The following FAM135B variants were observed in gnomAD, a reference collection of about 807,000 sequenced individuals.
FAM135B encodes the protein protein FAM135B.
Under a neutral mutation model 127.7 loss-of-function variants are expected in FAM135B, and 43 were observed. That is an observed-to-expected ratio of 0.34 (90% CI 0.26 to 0.43). The LOEUF (loss-of-function observed/expected upper bound fraction) is 0.43. Among genes scored for constraint, FAM135B ranks in the 20% least tolerant of loss-of-function variants. FAM135B has a pLI of 1.00. For synonymous variants in FAM135B, 670 were observed against 665.1 expected (o/e 1.01, Z -0.11); for missense variants, 1,558 against 1,725.6 (o/e 0.90, Z 1.72).
At chr8:138,339,966 C>G (rs1429943510) in intron 2 of FAM135B, among the ~76,000 whole-genome samples, 1 of 152,218 alleles carries the variant, frequency 6.6e-6, no homozygotes, top group African/African-American at 2.4e-5. Context: ...GCCCCTCCAT[C>G]TGAATTCCTC....
intron 1 of FAM135B, chr8:138,425,573 C>G (rs1246729840): frequency 6.6e-6 from 1 of 152,078 alleles, no homozygotes; most frequent in African/African-American, 2.4e-5. Flanking sequence ...TTCAGAGCAG[C>G]TCCTCTCATT....
intron 15 of FAM135B, among the ~76,000 whole-genome samples, chr8:138,144,691 TAAC>T (rs1386061192): frequency 6.6e-6 from 1 of 152,104 alleles, no homozygotes; most frequent in Non-Finnish European, 1.5e-5. Context: ...TTTCAAAAAG[TAAC>T]AACAATGAGT....
chr8:138,322,991 G>A (rs1827554803), intron 2 of FAM135B, among the ~76,000 whole-genome samples: 1 of 152,196 alleles, frequency 6.6e-6, no homozygotes, highest in Admixed American at 6.5e-5. Flanking sequence ...TGCACTCATA[G>A]GTTGACAGTA....
Position 138,141,277 on chromosome 8 carries a change from G to A in FAM135B, c.3711C>T (p.Leu1237=), listed in dbSNP as rs752206205. ...GTGACAGGAACGTGTGGAGTTTGTTGAGGTAATACCGGAACCGGGGCCGTG... is the reference window on the plus strand; with the variant it reads ...GTGACAGGAACGTGTGGAGTTTGTTAAGGTAATACCGGAACCGGGGCCGTG... The part of the protein sequence containing the change: ...VLTRPRFRYY[L]NKLHTFLSLS... The change falls in exon 17 of 20, where the codon CTC becomes CTT. Residue 1237 remains leucine, a synonymous_variant. Transcript: ENST00000395297. The surrounding 1 kb of genome is among the most constrained non-coding windows in gnomAD (Gnocchi z 4.7). The A allele has an allele frequency of 6.2e-7, 1 of 1,614,162 alleles. No homozygotes were observed. The highest frequency in any genetic ancestry group is 1.1e-5 in the South Asian group (1 of 91,080).
At chr8:138,346,587 C>T (rs958719460) in intron 2 of FAM135B, among the ~76,000 whole-genome samples, 4 of 152,126 alleles carry the variant, frequency 2.6e-5, no homozygotes, top group African/African-American at 7.2e-5. Flanking sequence ...AGACATCACA[C>T]GTTCTCACTT....
chr8:138,361,734 G>A (rs997430972), intron 2 of FAM135B, among the ~76,000 whole-genome samples: 3 of 152,122 alleles, frequency 2.0e-5, no homozygotes, highest in African/African-American at 4.8e-5. Context: ...TTAACCATGA[G>A]TTGTCATCTT....
chr8:138,349,186 A>C (rs561191494), intron 2 of FAM135B, among the ~76,000 whole-genome samples: 2 of 152,364 alleles, frequency 1.3e-5, no homozygotes, highest in South Asian at 4.1e-4. Flanking sequence ...CAACAAAAGC[A>C]AAGGATGTAC....
At chr8:138,157,899 A>G (rs561092339) in intron 12 of FAM135B, among the ~76,000 whole-genome samples, 1 of 152,334 alleles carries the variant, frequency 6.6e-6, no homozygotes, top group South Asian at 2.1e-4. Flanking sequence ...ATTCAATGCC[A>G]CCCTCATCAA....
At chr8:138,257,889 A>T (rs893303347) in intron 4 of FAM135B, among the ~76,000 whole-genome samples, 19 of 142,188 alleles carry the variant, frequency 1.3e-4, no homozygotes, top group African/African-American at 2.0e-4. Flanking sequence ...AAAAAATAAA[A>T]AAAAAAATAA....
chr8:138,245,832 C>A (rs1821236571), intron 6 of FAM135B, among the ~76,000 whole-genome samples: 1 of 152,096 alleles, frequency 6.6e-6, no homozygotes, highest in African/African-American at 2.4e-5. Context: ...TTCCTAGAAA[C>A]TTGGAGGGCT....
intron 1 of FAM135B, among the ~76,000 whole-genome samples, chr8:138,382,017 C>G (rs189647986): frequency 6.6e-6 from 1 of 152,190 alleles, no homozygotes. Flanking sequence ...TTCAGACATG[C>G]TATCTGTTTG....
chr8:138,185,701 G>GGCAA (rs1309293394), intron 9 of FAM135B, among the ~76,000 whole-genome samples: 7 of 152,104 alleles, frequency 4.6e-5, no homozygotes, highest in Admixed American at 4.6e-4. Flanking sequence ...TTTACTGGGG[G>GGCAA]GCAACCAGGG....
intron 1 of FAM135B, among the ~76,000 whole-genome samples, chr8:138,419,187 G>A (rs13249665): frequency 0.068 from 10,329 of 152,010 alleles, 803 homozygotes; most frequent in East Asian, 0.26. Context: ...GAAAACAACA[G>A]AAAAGAGCAG....
intron 18 of FAM135B, 61 bp downstream of exon 18, chr8:138,138,925 G>T (rs1228114401): frequency 9.9e-7 from 1 of 1,012,162 alleles, no homozygotes; most frequent in Non-Finnish European, 1.6e-6. Context: ...TCTCATTTGT[G>T]TCTCAGGAGT....
At chr8:138,389,841 G>A (rs1832442083) in intron 1 of FAM135B, among the ~76,000 whole-genome samples, 1 of 152,118 alleles carries the variant, frequency 6.6e-6, no homozygotes, top group South Asian at 2.1e-4. Context: ...ACCACAAAAG[G>A]GGACGAAATC....
chr8:138,379,485 T>G lies in FAM135B; in HGVS notation c.-19-11483A>C, dbSNP rs1188673144. ...ATCTGTATGTTGTGCAATAAAAATT[T>G]TGCATAACAAAGATGAGCTTAAATA... On this transcript the variant is annotated intron_variant, in intron 1 of 19. Transcript: ENST00000395297. Among the ~76,000 whole-genome samples, 4 of 152,300 alleles carry G rather than the reference T, an allele frequency of 2.6e-5. No individual in the cohort carries two copies. In the South Asian group the frequency reaches 8.3e-4, roughly 32 times the overall value.
intron 7 of FAM135B, among the ~76,000 whole-genome samples, chr8:138,240,453 C>T (rs966321693): frequency 6.6e-6 from 1 of 152,208 alleles, no homozygotes; most frequent in Admixed American, 6.5e-5. Flanking sequence ...TGGTTACTGG[C>T]TCCTGCCGTG....
intron 13 of FAM135B, among the ~76,000 whole-genome samples, chr8:138,150,042 T>G (rs1049315126): frequency 1.3e-5 from 2 of 152,362 alleles, no homozygotes; most frequent in East Asian, 1.9e-4. Flanking sequence ...CAATTTCTTT[T>G]GGAGACACCG....
intron 7 of FAM135B, among the ~76,000 whole-genome samples, chr8:138,235,203 A>G (rs1820178463): frequency 6.6e-6 from 1 of 151,890 alleles, no homozygotes. Flanking sequence ...TCACTTATTG[A>G]CTCAGCACTG....
Sources: gnomAD v4.1 joint callset for allele counts (sites outside exome capture counted in the v4.1 genomes callset) on GRCh38, gnomAD v4.1.1 for gene constraint, Gnocchi (gnomAD v3.1) non-coding constraint, MANE v1.5 for transcripts, NCBI Gene and HGNC (gene_info 2026-07-23, HGNC 2026-07-21) for gene names.